PHF13: variants seen among roughly 807,000 people sequenced by gnomAD.
PHF13 encodes the protein PHD finger protein 13.
In PHF13, 1 loss-of-function variant was observed where a neutral mutation model predicts 25.8. The observed-to-expected ratio is 0.04, with a 90% confidence interval of 0.01 to 0.18. The LOEUF is 0.18. Among genes scored for constraint, PHF13 ranks in the 10% least tolerant of loss-of-function variants. The probability of loss-of-function intolerance (pLI) is 1.00; values close to 1 mark genes in which losing one functional copy is unlikely to be tolerated. For missense variants in PHF13, 306 were observed against 403.2 expected (o/e 0.76, Z 2.06); for synonymous variants, 195 against 162.4 (o/e 1.20, Z -1.53).
rs539881353 is a variant in PHF13, at chr1:6,620,398, T to G, written c.676+61T>G. The G allele has an allele frequency of 9.9e-6, 15 of 1,521,026 alleles. No homozygotes were observed. In the East Asian group the frequency reaches 3.5e-4, roughly 36 times the overall value. 94.2% of individuals were successfully genotyped at this position (1,521,026 alleles called of 1,614,324 possible). ...CTTGTGGTTAGAAGAGAGGTTATTT[T>G]ATTAAGTGGTCATCTCTCTGGGGCA... is the stretch of plus-strand genomic sequence containing the variant. On this transcript the variant is annotated intron_variant, in intron 3 of 3. Coordinates refer to ENST00000377648, the MANE Select transcript of PHF13 (RefSeq NM_153812.3).
Position 6,619,805 on chromosome 1 carries a change from A to G in PHF13, c.144A>G (p.Glu48=). ...ATCTGCCACCTTTGTCTTTTTAGGAACTCCCTTTAAGGAGCAGCCCCAGCC... is the reference window on the plus strand; with the variant it reads ...ATCTGCCACCTTTGTCTTTTTAGGAGCTCCCTTTAAGGAGCAGCCCCAGCC... The part of the protein sequence containing the change: ...YAGYIPYPKE[E]LPLRSSPSPA... Residue 48 remains glutamate (E), a splice_region_variant and synonymous_variant, in exon 3 of 4, where the codon GAA becomes GAG. Coordinates refer to ENST00000377648, the MANE Select transcript of PHF13 (RefSeq NM_153812.3). The G allele has an allele frequency of 2.5e-6, 4 of 1,583,696 alleles. No homozygotes were observed. Among genetic ancestry groups the G allele is most frequent in the Non-Finnish European group, 3.4e-6 (4 of 1,163,392 alleles).
At chr1:6,620,882 A>G (rs1344109656) in intron 3 of PHF13, among the ~76,000 whole-genome samples, 1 of 152,062 alleles carries the variant, frequency 6.6e-6, no homozygotes, top group Non-Finnish European at 1.5e-5. Context: ...AAAAGAAAAA[A>G]TTAGCTGGGC....
intron 1 of PHF13, among the ~76,000 whole-genome samples, chr1:6,615,289 C>T (rs1054726609): frequency 6.6e-6 from 1 of 152,214 alleles, no homozygotes; most frequent in Admixed American, 6.5e-5. Flanking sequence ...AAGAAAAGTT[C>T]TTCGCGGGAG....
intron 1 of PHF13, among the ~76,000 whole-genome samples, chr1:6,616,131 C>A (rs35649025): frequency 6.7e-6 from 1 of 150,356 alleles, no homozygotes; most frequent in Non-Finnish European, 1.5e-5. Context: ...CGGGTTCACG[C>A]GATTCTCCTG....
chr1:6,619,255 C>G (rs1641304606), intron 2 of PHF13, among the ~76,000 whole-genome samples: 1 of 152,200 alleles, frequency 6.6e-6, no homozygotes, highest in South Asian at 2.1e-4. Flanking sequence ...CTGTTGCACA[C>G]TGATGAATTT....
Position 6,619,878 on chromosome 1 carries a change from G to C in PHF13, c.217G>C (p.Gly73Arg). The change falls in exon 3 of 4, where the codon GGT becomes CGT. Residue 73 changes from glycine to arginine, a missense_variant. Transcript: ENST00000377648. ...GTIDSDGWDAGFSDIASSVPL... is the reference protein window; with the variant it reads ...GTIDSDGWDARFSDIASSVPL... The stretch of plus-strand genomic sequence containing the variant: ...CATTGACAGCGACGGCTGGGACGCG[G>C]GTTTCTCAGACATCGCGTCCTCAGT... 6.2e-7 allele frequency: 1 copy of C among 1,613,928 alleles called. No homozygotes were observed.
In PHF13 at chr1:6,621,604, G is replaced by GCGGACGGGCTCC; in HGVS notation, c.875_886dup (p.Thr292_Arg295dup). ...TTGACATCCGCCGTTCCAACCGCTC[G>GCGGACGGGCTCC]CGGACGGGCTCCCGGAAGCTGTTCC... On this transcript the variant is annotated inframe_insertion, in exon 4 of 4. Transcript: ENST00000377648. This position sits in a 1 kb window ranked among gnomAD's most constrained non-coding sequence, Gnocchi z 4.8. 2 of 1,614,198 alleles carry GCGGACGGGCTCC rather than the reference G, an allele frequency of 1.2e-6. No individual in the cohort carries two copies. Among genetic ancestry groups the GCGGACGGGCTCC allele is most frequent in the Non-Finnish European group, 1.7e-6 (2 of 1,180,034 alleles).
intron 2 of PHF13, among the ~76,000 whole-genome samples, chr1:6,617,206 C>T (rs1486119914): frequency 3.3e-5 from 5 of 150,864 alleles, no homozygotes; most frequent in Non-Finnish European, 3.0e-5. Context: ...CCTGCCTCAA[C>T]CTCCTCAGTA....
chr1:6,616,612 C>G, intron 1 of PHF13, 145 bp from the exon 2 acceptor site: 1 of 666,832 alleles, frequency 1.5e-6, no homozygotes, highest in Non-Finnish European at 2.7e-6. Flanking sequence ...CCTGAACTTA[C>G]CGTATCTTGT....
chr1:6,615,975 A>T (rs2148709237), intron 1 of PHF13, among the ~76,000 whole-genome samples: 1 of 147,422 alleles, frequency 6.8e-6, no homozygotes. Flanking sequence ...GTCAGCCAGG[A>T]GTGAACTCCA....
intron 1 of PHF13, among the ~76,000 whole-genome samples, 165 bp downstream of exon 1, chr1:6,614,270 G>C (rs1180791261): frequency 9.3e-6 from 1 of 107,190 alleles, no homozygotes; most frequent in East Asian, 3.1e-4. Context: ...GCTCGGGCCC[G>C]CGCTCGGTCC....
At chr1:6,616,267 T>C (rs1641258804) in intron 1 of PHF13, among the ~76,000 whole-genome samples, 1 of 152,028 alleles carries the variant, frequency 6.6e-6, no homozygotes, top group Admixed American at 6.6e-5. Flanking sequence ...GACCTCGTGA[T>C]CCGCCCGCCT....
In PHF13 at chr1:6,621,041, A is replaced by AC. The variant is rs376442717; in HGVS notation, c.677-370_677-369insC. On this transcript the variant is annotated intron_variant, in intron 3 of 3. Coordinates refer to ENST00000377648, the MANE Select transcript of PHF13 (RefSeq NM_153812.3). The surrounding 1 kb of genome is among the most constrained non-coding windows in gnomAD (Gnocchi z 4.8). ...CAAAACTCCGTCTCAAGAAAAAAAA[A>AC]AAAAACAATAGTCGAGTGTGGTGGT... 1.7e-3 allele frequency among the ~76,000 whole-genome samples: 254 copies of AC among 150,622 alleles called. 3 individuals carry two copies. Among genetic ancestry groups the AC allele is most frequent in the African/African-American group, 4.8e-3 (198 of 41,030 alleles).
At chr1:6,615,660 C>T (rs1217905412) in intron 1 of PHF13, among the ~76,000 whole-genome samples, 6 of 152,234 alleles carry the variant, frequency 3.9e-5, no homozygotes, top group Middle Eastern at 6.8e-3. Flanking sequence ...GGGAACGTGC[C>T]GGGCGAATAA....
rs1641321320 is a variant in PHF13 at position 6,620,402 on chromosome 1, A to C, written c.676+65A>C. The C allele has an allele frequency of 2.0e-6, 3 of 1,513,944 alleles. No individual in the cohort carries two copies. In the Admixed American group the frequency reaches 6.1e-5, roughly 31 times the overall value. 93.8% of individuals were successfully genotyped at this position (1,513,944 alleles called of 1,614,324 possible). Reference sequence around the variant, plus strand: ...TGGTTAGAAGAGAGGTTATTTTATTAAGTGGTCATCTCTCTGGGGCACAGG... The same window carrying C: ...TGGTTAGAAGAGAGGTTATTTTATTCAGTGGTCATCTCTCTGGGGCACAGG... On this transcript the variant is annotated intron_variant, in intron 3 of 3. Coordinates refer to ENST00000377648, the MANE Select transcript of PHF13 (RefSeq NM_153812.3).
rs563081402 is a variant in PHF13, at chr1:6,620,608, C to T, written c.676+271C>T. 1.1e-4 allele frequency among the ~76,000 whole-genome samples: 17 copies of T among 152,262 alleles called. 1 individual carries two copies. The South Asian group carries it at 2.9e-3, about 26-fold the overall frequency. ...TAAGCATCCAGGTAAGCATCCAGGC[C>T]GGGCACGGTGGCTCCACCAGTAATC... On this transcript the variant is annotated intron_variant, in intron 3 of 3. Transcript: ENST00000377648.
At position 6,614,027 on chromosome 1, in the gene PHF13, T is replaced by C; in HGVS notation, c.-40T>C. ...GGCGGCCCCGCTCCAGCATCCCAGC[T>C]CCTGCACTCTCGCAGCCGCCGCCGC... On this transcript the variant is annotated 5_prime_UTR_variant, in exon 1 of 4. Coordinates refer to ENST00000377648, the MANE Select transcript of PHF13 (RefSeq NM_153812.3). The C allele has an allele frequency of 2.7e-6, 4 of 1,499,318 alleles. No individual in the cohort carries two copies. The highest frequency in any genetic ancestry group is 3.6e-6 in the Non-Finnish European group (4 of 1,111,312). 92.9% of individuals were successfully genotyped at this position (1,499,318 alleles called of 1,614,324 possible). A position where few individuals can be genotyped will look rare whatever the true frequency, so the allele number is the denominator to read the frequency against.
At chr1:6,614,828 G>GC (rs1178217507) in intron 1 of PHF13, among the ~76,000 whole-genome samples, 1 of 151,080 alleles carries the variant, frequency 6.6e-6, no homozygotes, top group Non-Finnish European at 1.5e-5. Flanking sequence ...GGGGCTCCCG[G>GC]CCTCCCCCCC....
rs1557446943 is a variant in PHF13 at position 6,620,229 on chromosome 1, A to C, written c.568A>C (p.Lys190Gln). 1 of 1,614,018 alleles carries C rather than the reference A, an allele frequency of 6.2e-7. No individual in the cohort carries two copies. Among genetic ancestry groups the C allele is most frequent in the Non-Finnish European group, 8.5e-7 (1 of 1,180,034 alleles). ...SCATVSPDQV[K>Q]EIKTEGKRTI... Reference sequence around the variant, plus strand: ...TGCCACTGTGTCACCTGATCAGGTCAAAGAAATAAAAACTGAAGGCAAACG... The same window carrying C: ...TGCCACTGTGTCACCTGATCAGGTCCAAGAAATAAAAACTGAAGGCAAACG... The change falls in exon 3 of 4, where the codon AAA becomes CAA. Residue 190 changes from lysine to glutamine, a missense_variant. Lys to Gln is a moderately conservative substitution (Grantham distance 53). Coordinates refer to ENST00000377648, the MANE Select transcript of PHF13 (RefSeq NM_153812.3).
Sources: allele counts gnomAD v4.1 joint callset (sites outside exome capture counted in the v4.1 genomes callset), GRCh38; gene constraint gnomAD v4.1.1; non-coding constraint Gnocchi (gnomAD v3.1); transcripts MANE v1.5; gene names NCBI Gene and HGNC (gene_info 2026-07-23, HGNC 2026-07-21).